Variants in SELENOF observed in about 807,000 individuals in gnomAD.
SELENOF encodes the protein 15 kDa selenoprotein.
In SELENOF, 16 loss-of-function variants were observed where a neutral mutation model predicts 20.5. The observed-to-expected ratio is 0.78, with a 90% CI of 0.53 to 1.19. The LOEUF (loss-of-function observed/expected upper bound fraction) is 1.19. Among genes scored for constraint, SELENOF ranks in the 50% most tolerant of loss-of-function variants. SELENOF has a pLI of 0.00. For synonymous variants in SELENOF, 78 were observed against 74.5 expected (o/e 1.05, Z -0.24); for missense variants, 215 against 194.2 (o/e 1.11, Z -0.64).
intron 4 of SELENOF, among the ~76,000 whole-genome samples, chr1:86,867,529 A>AC (rs1553124808): frequency 1.3e-5 from 2 of 151,098 alleles, no homozygotes; most frequent in African/African-American, 4.9e-5. Flanking sequence ...AACAACAACA[A>AC]ATCAGTGGTT....
Position 86,884,331 on chromosome 1 carries a change from G to A in SELENOF, c.253-3606C>T, listed in dbSNP as rs140624219. On this transcript the variant is annotated intron_variant, in intron 2 of 4. Transcript: ENST00000331835. ...CTAAAAGCATTAATCTGTGTTGTTA[G>A]CGGGCGCACATACATACACACACAC... is the stretch of plus-strand genomic sequence containing the variant. Among the ~76,000 whole-genome samples the A allele has an allele frequency of 9.5e-3, 1,409 of 148,712 alleles. 18 individuals carry two copies. Among genetic ancestry groups the A allele is most frequent in the African/African-American group, 0.035 (1,366 of 39,382 alleles).
intron 1 of SELENOF, among the ~76,000 whole-genome samples, chr1:86,904,858 T>G (rs1659790663): frequency 6.6e-6 from 1 of 152,236 alleles, no homozygotes; most frequent in Non-Finnish European, 1.5e-5. Flanking sequence ...TTTCCCACAG[T>G]TCTGTTTTTG....
intron 3 of SELENOF, among the ~76,000 whole-genome samples, chr1:86,874,183 C>A (rs1406256769): frequency 6.6e-6 from 1 of 151,708 alleles, no homozygotes; most frequent in Admixed American, 6.6e-5. Context: ...GCTAGTCAGG[C>A]TGGTCTCGAA....
chr1:86,868,000 A>T, intron 4 of SELENOF, 53 bp downstream of exon 4: 1 of 765,778 alleles, frequency 1.3e-6, no homozygotes. Context: ...CTTTAATTAT[A>T]AAATAAAGAA....
intron 2 of SELENOF, among the ~76,000 whole-genome samples, chr1:86,891,831 G>A (rs1440270647): frequency 2.0e-5 from 3 of 151,964 alleles, no homozygotes; most frequent in African/African-American, 7.3e-5. Flanking sequence ...GTTGTTGTGA[G>A]GTTCTATAAA....
intron 1 of SELENOF, among the ~76,000 whole-genome samples, chr1:86,906,392 TATC>T (rs1352033323): frequency 5.9e-5 from 9 of 152,252 alleles, no homozygotes; most frequent in Admixed American, 5.9e-4. Context: ...AATGTGTACA[TATC>T]ATTTCACATG....
chr1:86,868,350 TAGAC>T (rs1557452892), intron 3 of SELENOF, among the ~76,000 whole-genome samples: 1 of 152,180 alleles, frequency 6.6e-6, no homozygotes, highest in Non-Finnish European at 1.5e-5. Flanking sequence ...ACAAAAGTGA[TAGAC>T]AGTACAGCTC....
At chr1:86,893,518 TG>T in intron 2 of SELENOF, among the ~76,000 whole-genome samples, 1 of 151,574 alleles carries the variant, frequency 6.6e-6, no homozygotes, top group South Asian at 2.1e-4. Context: ...CTCAGGAGGC[TG>T]AGGCTGGGGA....
intron 2 of SELENOF, among the ~76,000 whole-genome samples, chr1:86,891,995 A>T (rs1395899925): frequency 6.6e-6 from 1 of 150,930 alleles, no homozygotes; most frequent in Non-Finnish European, 1.5e-5. Flanking sequence ...CAGTGGCGTG[A>T]TCTCGGTTCA....
At chr1:86,901,033 T>C (rs1333210557) in intron 2 of SELENOF, among the ~76,000 whole-genome samples, 1 of 152,154 alleles carries the variant, frequency 6.6e-6, no homozygotes, top group Non-Finnish European at 1.5e-5. Flanking sequence ...GCTGGTACTA[T>C]AGGCGTAAAC....
intron 1 of SELENOF, among the ~76,000 whole-genome samples, chr1:86,906,774 A>G (rs1570407905): frequency 6.6e-6 from 1 of 152,214 alleles, no homozygotes; most frequent in East Asian, 1.9e-4. Context: ...TAGAACAGAC[A>G]AGCCATCCCT....
intron 3 of SELENOF, among the ~76,000 whole-genome samples, chr1:86,870,079 A>C (rs946920786): frequency 6.6e-6 from 1 of 152,194 alleles, no homozygotes; most frequent in Non-Finnish European, 1.5e-5. Context: ...CATTTTTCTA[A>C]AATAAAAACA....
rs1330191596 is a variant in SELENOF, at chr1:86,866,226, G to GTC, written c.366+1825_366+1826dup. Among the ~76,000 whole-genome samples, 294 of 107,762 alleles carry GTC rather than the reference G, an allele frequency of 2.7e-3. 1 individual carries two copies. The highest frequency in any genetic ancestry group is 5.2e-3 in the East Asian group (22 of 4,246). The allele number at this position is 107,762 out of a possible 152,430, so 70.7% of individuals were successfully genotyped here. On this transcript the variant is annotated intron_variant, in intron 4 of 4. Coordinates refer to ENST00000331835, the MANE Select transcript of SELENOF (RefSeq NM_004261.5). ...AAAAAAAAAAAAAAAAAAAGTGTGT[G>GTC]TCTCTGTGTGTGTGTGTGTGTGTGT...
intron 1 of SELENOF, among the ~76,000 whole-genome samples, chr1:86,907,738 C>A (rs1659865954): frequency 6.6e-6 from 1 of 152,136 alleles, no homozygotes; most frequent in African/African-American, 2.4e-5. Flanking sequence ...AATCTCAGTG[C>A]TTTGGTAGGC....
intron 3 of SELENOF, among the ~76,000 whole-genome samples, chr1:86,872,062 G>T (rs1360704890): frequency 6.6e-6 from 1 of 152,030 alleles, no homozygotes; most frequent in Non-Finnish European, 1.5e-5. Context: ...TGGGTTCAGT[G>T]AACTCTGTTT....
chr1:86,888,439 T>C (rs565173062), intron 2 of SELENOF, among the ~76,000 whole-genome samples: 5 of 152,224 alleles, frequency 3.3e-5, no homozygotes, highest in African/African-American at 9.6e-5. Flanking sequence ...GAAGAAATCT[T>C]TTTTTTAAAA....
chr1:86,905,800 G>A (rs890359936), intron 1 of SELENOF, among the ~76,000 whole-genome samples: 4 of 152,144 alleles, frequency 2.6e-5, no homozygotes, highest in African/African-American at 9.7e-5. Flanking sequence ...AGGCTTTTGT[G>A]GCCATATGGT....
rs560251628 is a variant in SELENOF, at chr1:86,903,520, G to C, written c.85-72C>G. 7 of 1,204,586 alleles carry C rather than the reference G, an allele frequency of 5.8e-6. No homozygotes were observed. In the Admixed American group the frequency reaches 2.4e-4, roughly 41 times the overall value. 74.6% of individuals were successfully genotyped at this position (1,204,586 alleles called of 1,614,324 possible). ...ACAAAGCTTTCCAAAAAGAGAACAC[G>C]GGGTTGTCAAAAACTAACACATTGA... On this transcript the variant is annotated intron_variant, in intron 1 of 4. Transcript: ENST00000331835.
chr1:86,877,490 G>A (rs867567027), intron 3 of SELENOF, among the ~76,000 whole-genome samples: 1 of 152,132 alleles, frequency 6.6e-6, no homozygotes, highest in Non-Finnish European at 1.5e-5. Flanking sequence ...TGCATACATA[G>A]AATGACATAT....
Sources: allele counts gnomAD v4.1 joint callset (sites outside exome capture counted in the v4.1 genomes callset), GRCh38; gene constraint gnomAD v4.1.1; transcripts MANE v1.5; gene names NCBI Gene and HGNC (gene_info 2026-07-23, HGNC 2026-07-21).